The following SYT2 variants were observed in gnomAD, a reference collection of about 807,000 sequenced individuals.
The protein encoded by SYT2 is synaptotagmin 2.
Under a neutral mutation model 39.9 loss-of-function variants are expected in SYT2, and 15 were observed. The ratio of observed to expected loss-of-function variants is 0.38; its 90% CI spans 0.25 to 0.58. The LOEUF is 0.58. Among genes scored for constraint, SYT2 ranks in the 20% least tolerant of loss-of-function variants. The probability of loss-of-function intolerance (pLI) is 0.70; values close to 1 mark genes in which losing one functional copy is unlikely to be tolerated. For missense variants in SYT2, 389 were observed against 530.3 expected, an observed-to-expected ratio of 0.73 and a Z score of 2.62; for synonymous variants, 181 against 204.5, an observed-to-expected ratio of 0.89 and a Z score of 0.98.
chr1:202,665,319 T>A (rs2149107281), intron 1 of SYT2, among the ~76,000 whole-genome samples: 1 of 152,344 alleles, frequency 6.6e-6, no homozygotes, highest in Middle Eastern at 3.4e-3. Flanking sequence ...ATAACTTCTA[T>A]ACTCCTTTTT....
At chr1:202,615,428 C>A (rs189364528) in intron 1 of SYT2, among the ~76,000 whole-genome samples, 4 of 152,102 alleles carry the variant, frequency 2.6e-5, no homozygotes, top group African/African-American at 4.8e-5. Context: ...GTCACCCCCC[C>A]ACATCCCAGG....
At chr1:202,662,414 G>A (rs1178171539) in intron 1 of SYT2, among the ~76,000 whole-genome samples, 1 of 152,246 alleles carries the variant, frequency 6.6e-6, no homozygotes, top group Non-Finnish European at 1.5e-5. Context: ...ATGATGCTCA[G>A]GGCAGCATCT....
Position 202,623,113 on chromosome 1 carries a change from C to T in SYT2, c.-17-17324G>A, listed in dbSNP as rs1443729962. Among the ~76,000 whole-genome samples the T allele has an allele frequency of 6.6e-6, 1 of 152,174 alleles. No homozygotes were observed. The highest frequency in any genetic ancestry group is 2.1e-4 in the South Asian group (1 of 4,832). Reference sequence around the variant, plus strand: ...AGGGATAGTAGCAGTGGTGAGGGGGCAGAGGGATGCCCCCGCCAGGCAAGC... The same window carrying T: ...AGGGATAGTAGCAGTGGTGAGGGGGTAGAGGGATGCCCCCGCCAGGCAAGC... On this transcript the variant is annotated intron_variant, in intron 1 of 8. Transcript: ENST00000367268. This position sits in a 1 kb window ranked among gnomAD's most constrained non-coding sequence, Gnocchi z 4.2.
intron 1 of SYT2, among the ~76,000 whole-genome samples, chr1:202,616,470 GCA>G (rs1360507394): frequency 1.3e-5 from 2 of 152,050 alleles, no homozygotes; most frequent in South Asian, 2.1e-4. Context: ...TCGTGACCAC[GCA>G]CACACACTTG....
chr1:202,655,251 T>C (rs1250948993), intron 1 of SYT2, among the ~76,000 whole-genome samples: 3 of 152,064 alleles, frequency 2.0e-5, no homozygotes, highest in African/African-American at 7.2e-5. Flanking sequence ...GGTATGGCCA[T>C]TTCGGACAGC....
In SYT2 at chr1:202,602,533, C is replaced by T. The variant is rs149665021; in HGVS notation, c.478G>A (p.Val160Ile). ...GCAGGCAGTTCAGCAGCCTGCAGAA[C>T]GCCCACAGTAAGCTGTGGAGAGAGA... ...DFQANQLTVG[V>I]LQAAELPALD... Residue 160 changes from valine to isoleucine, a missense_variant, in exon 5 of 9, where the codon GTT becomes ATT. By Grantham distance (29) the Val-to-Ile change is conservative (BLOSUM62 3). Coordinates refer to ENST00000367268, the MANE Select transcript of SYT2 (RefSeq NM_177402.5). The T allele has an allele frequency of 3.8e-5, 62 of 1,612,816 alleles. No individual in the cohort carries two copies. Among genetic ancestry groups the T allele is most frequent in the East Asian group, 6.7e-5 (3 of 44,872 alleles).
intron 1 of SYT2, among the ~76,000 whole-genome samples, chr1:202,700,173 G>T (rs550373242): frequency 5.3e-5 from 8 of 152,126 alleles, no homozygotes; most frequent in African/African-American, 1.9e-4. Flanking sequence ...ATCCCCAGAG[G>T]CCACCTGGAA....
chr1:202,650,374 C>T (rs971723001), intron 1 of SYT2, among the ~76,000 whole-genome samples: 1 of 151,904 alleles, frequency 6.6e-6, no homozygotes, highest in South Asian at 2.1e-4. Flanking sequence ...GCATAGCCTA[C>T]GTGTACGTCT....
intron 1 of SYT2, among the ~76,000 whole-genome samples, chr1:202,612,008 A>T (rs1156854591): frequency 6.6e-6 from 1 of 152,060 alleles, no homozygotes; most frequent in Non-Finnish European, 1.5e-5. Context: ...GTGCCATTAC[A>T]TCTGGCTAAT....
intron 1 of SYT2, among the ~76,000 whole-genome samples, chr1:202,609,906 C>T (rs552555904): frequency 6.6e-6 from 1 of 152,314 alleles, no homozygotes; most frequent in Non-Finnish European, 1.5e-5. Flanking sequence ...TCCCATTTGT[C>T]TATTTTGGCT....
rs111250362 is a variant in SYT2 at position 202,688,425 on chromosome 1, G to C, written c.-18+21833C>G. Among the ~76,000 whole-genome samples the C allele has an allele frequency of 7.2e-3, 1,097 of 152,352 alleles. 11 individuals carry two copies. Among genetic ancestry groups the C allele is most frequent in the African/African-American group, 0.024 (1,012 of 41,590 alleles). On this transcript the variant is annotated intron_variant, in intron 1 of 8. Transcript: ENST00000367268. ...CAGGCTGGGACTGCATAAGGCAGGG[G>C]ACAGCAGCAGGTCCTCCCTGTTCCC...
At position 202,628,077 on chromosome 1, in the gene SYT2, G is replaced by A. The variant is rs1326944930; in HGVS notation, c.-17-22288C>T. Among the ~76,000 whole-genome samples, 7 of 152,164 alleles carry A rather than the reference G, an allele frequency of 4.6e-5. No homozygotes were observed. The highest frequency in any genetic ancestry group is 1.0e-4 in the Non-Finnish European group (7 of 68,040). On this transcript the variant is annotated intron_variant, in intron 1 of 8. Coordinates refer to ENST00000367268, the MANE Select transcript of SYT2 (RefSeq NM_177402.5). The surrounding 1 kb of genome is among the most constrained non-coding windows in gnomAD (Gnocchi z 4.2). ...CTAACGGGAAGATCACAAAGGCACC[G>A]GGCTCAGAGGTGGGTGCCGGGGGCA...
intron 1 of SYT2, among the ~76,000 whole-genome samples, chr1:202,706,558 T>C: frequency 6.6e-6 from 1 of 152,208 alleles, no homozygotes; most frequent in East Asian, 1.9e-4. Context: ...AAACAGAGTG[T>C]GATTGACTCG....
rs1054115782 is a variant in SYT2, at chr1:202,650,431, T to C, written c.-17-44642A>G. Among the ~76,000 whole-genome samples, 28 of 143,126 alleles carry C rather than the reference T, an allele frequency of 2.0e-4. 1 individual carries two copies. The highest frequency in any genetic ancestry group is 5.2e-4 in the Admixed American group (7 of 13,452). 93.9% of individuals were successfully genotyped at this position (143,126 alleles called of 152,430 possible). A position where few individuals can be genotyped will look rare whatever the true frequency, so the allele number is the denominator to read the frequency against. On this transcript the variant is annotated intron_variant, in intron 1 of 8. Coordinates refer to ENST00000367268, the MANE Select transcript of SYT2 (RefSeq NM_177402.5). ...TGGGGTCTGCCAAACATTTGTTTCA[T>C]ATGCTTTTGTTTTTTTTTTTTTGAG...
At chr1:202,639,758 C>G (rs1320865551) in intron 1 of SYT2, 2 of 985,442 alleles carry the variant, frequency 2.0e-6, no homozygotes, top group African/African-American at 1.7e-5. Flanking sequence ...GGCCCCATGA[C>G]GAAGACTAGA....
At chr1:202,702,743 T>C (rs1654151575) in intron 1 of SYT2, among the ~76,000 whole-genome samples, 2 of 152,174 alleles carry the variant, frequency 1.3e-5, no homozygotes, top group African/African-American at 2.4e-5. Context: ...ACTTGGTCCA[T>C]CTGAGTTGGT....
chr1:202,671,364 A>T (rs1005069453), intron 1 of SYT2, among the ~76,000 whole-genome samples: 1 of 152,240 alleles, frequency 6.6e-6, no homozygotes, highest in Non-Finnish European at 1.5e-5. Context: ...CCAACTGTGC[A>T]TGGGCCAAGG....
At chr1:202,687,599 GA>G (rs535751373) in intron 1 of SYT2, among the ~76,000 whole-genome samples, 437 of 142,902 alleles carry the variant, frequency 3.1e-3, no homozygotes, top group Non-Finnish European at 5.4e-3. Flanking sequence ...GCCTTATACA[GA>G]AGTTACAATG....
rs114371629 is a variant in SYT2 at position 202,708,968 on chromosome 1, C to T, written c.-18+1290G>A. On this transcript the variant is annotated intron_variant, in intron 1 of 8. Coordinates refer to ENST00000367268, the MANE Select transcript of SYT2 (RefSeq NM_177402.5). ...AAGTGCCAGGTTATGGGGATCCAGACAGATTGGATGGAGGACAATCTATTC... is the reference window on the plus strand; with the variant it reads ...AAGTGCCAGGTTATGGGGATCCAGATAGATTGGATGGAGGACAATCTATTC... Among the ~76,000 whole-genome samples the T allele has an allele frequency of 6.4e-3, 972 of 152,348 alleles. 9 individuals are homozygous for T. The highest frequency in any genetic ancestry group is 0.022 in the African/African-American group (923 of 41,582).
Sources: allele counts gnomAD v4.1 joint callset (sites outside exome capture counted in the v4.1 genomes callset), GRCh38; gene constraint gnomAD v4.1.1; non-coding constraint Gnocchi (gnomAD v3.1); transcripts MANE v1.5; gene names NCBI Gene and HGNC (gene_info 2026-07-23, HGNC 2026-07-21).